The following PRDM4 variants were observed in gnomAD, a reference collection of about 807,000 sequenced individuals.
The protein encoded by PRDM4 is PR domain zinc finger protein 4.
A neutral mutation model predicts 62.3 loss-of-function variants in PRDM4; 38 were observed. That is an observed-to-expected ratio of 0.61 (90% CI 0.47 to 0.80). The LOEUF (loss-of-function observed/expected upper bound fraction) is 0.80, where lower values mean the gene tolerates loss of function less well. Ranked by LOEUF, PRDM4 falls within the 30% of genes least tolerant of loss-of-function variation. The probability of loss-of-function intolerance (pLI) is 0.00; values close to 1 mark genes in which losing one functional copy is unlikely to be tolerated. For synonymous variants in PRDM4, 339 were observed against 348.2 expected (o/e 0.97, Z 0.30); for missense variants, 858 against 997.1 (o/e 0.86, Z 1.88).
intron 2 of PRDM4, among the ~76,000 whole-genome samples, chr12:107,758,799 T>C (rs1256603458): frequency 2.0e-5 from 3 of 152,166 alleles, no homozygotes; most frequent in African/African-American, 7.2e-5. Flanking sequence ...AAGACATCAA[T>C]AAAATGTAAA....
intron 6 of PRDM4, among the ~76,000 whole-genome samples, chr12:107,745,657 TCA>T (rs1469841106): frequency 6.6e-6 from 1 of 152,214 alleles, no homozygotes. Flanking sequence ...TAGAAATAAA[TCA>T]GACTTCTAAA....
rs575342374 is a variant in PRDM4 at position 107,733,430 on chromosome 12, T to A, written c.*780A>T. On this transcript the variant is annotated 3_prime_UTR_variant, in exon 12 of 12. Transcript: ENST00000228437. ...TATCTCCAGGCCCCCTTTGTCTGAATGGCTGGATGTTTACTGGAGACAGGG... is the reference window on the plus strand; with the variant it reads ...TATCTCCAGGCCCCCTTTGTCTGAAAGGCTGGATGTTTACTGGAGACAGGG... The A allele has an allele frequency of 6.6e-6, 1 of 152,242 alleles. No individual in the cohort carries two copies. Among genetic ancestry groups the A allele is most frequent in the Non-Finnish European group, 1.5e-5 (1 of 68,078 alleles). The allele number at this position is 152,242 out of a possible 1,614,324, so 9.4% of individuals were successfully genotyped here.
chr12:107,758,700 C>T (rs945247861), intron 2 of PRDM4, among the ~76,000 whole-genome samples: 11 of 152,150 alleles, frequency 7.2e-5, no homozygotes, highest in Admixed American at 2.0e-4. Flanking sequence ...TATATTGTGG[C>T]GTATATTTAA....
At chr12:107,739,776 T>C (rs1210595473) in intron 10 of PRDM4, 3 of 371,398 alleles carry the variant, frequency 8.1e-6, no homozygotes, top group Non-Finnish European at 1.4e-5. Context: ...TTAGGACCTC[T>C]GACCTAAATA....
At position 107,760,570 on chromosome 12, in the gene PRDM4, T is replaced by A; in HGVS notation, c.-55A>T. The A allele has an allele frequency of 6.2e-7, 1 of 1,607,626 alleles. No homozygotes were observed. Among genetic ancestry groups the A allele is most frequent in the Non-Finnish European group, 8.5e-7 (1 of 1,176,558 alleles). Reference sequence around the variant, plus strand: ...GCGCTCGGGTGGTGGGGAACAGGCATCAGGGTTTGCGTTCCAGGGTCACGT... The same window carrying A: ...GCGCTCGGGTGGTGGGGAACAGGCAACAGGGTTTGCGTTCCAGGGTCACGT... On this transcript the variant is annotated 5_prime_UTR_variant, in exon 2 of 12. The change abolishes an upstream ATG in the 5' untranslated region. Transcript: ENST00000228437.
chr12:107,734,413 A>G lies in PRDM4; in HGVS notation c.2203T>C (p.Cys735Arg), dbSNP rs1890264166. The G allele has an allele frequency of 1.2e-6, 2 of 1,613,956 alleles. No individual in the cohort carries two copies. The highest frequency in any genetic ancestry group is 1.7e-6 in the Non-Finnish European group (2 of 1,180,002). Residue 735 changes from cysteine (C) to arginine (R), a missense_variant, in exon 12 of 12, where the codon TGT becomes CGT. Cys to Arg is a radical substitution (Grantham distance 180). Coordinates refer to ENST00000228437, the MANE Select transcript of PRDM4 (RefSeq NM_012406.4). ...EGKRDYVCEKCTKAYLTKYHL... is the reference protein window; with the variant it reads ...EGKRDYVCEKRTKAYLTKYHL... ...TATTTGGTTAGATAAGCCTTTGTAC[A>G]TTTTTCACAGACATAATCCCGTTTT...
intron 3 of PRDM4, among the ~76,000 whole-genome samples, chr12:107,756,499 T>C (rs1017921317): frequency 6.6e-6 from 1 of 152,194 alleles, no homozygotes; most frequent in Non-Finnish European, 1.5e-5. Flanking sequence ...TTCTCTTCTA[T>C]TAACCCAGGG....
At position 107,734,364 on chromosome 12, in the gene PRDM4, G is replaced by A. The variant is rs1890262376; in HGVS notation, c.2252C>T (p.Thr751Ile). Residue 751 changes from threonine (T) to isoleucine (I), a missense_variant, in exon 12 of 12, where the codon ACC (threonine) becomes ATC (isoleucine). Transcript: ENST00000228437. ...CGAACTGGAGGTGGGCCCTTTGCAG[G>A]TTTTCAGGTGGCGGGTGAGATGGTA... ...TKYHLTRHLK[T>I]CKGPTSSSSA... 1.2e-6 allele frequency: 2 copies of A among 1,614,040 alleles called. No homozygotes were observed. Among genetic ancestry groups the A allele is most frequent in the Admixed American group, 1.7e-5 (1 of 60,000 alleles).
At chr12:107,743,361 A>C in intron 7 of PRDM4, 79 bp from the exon 8 acceptor site, 1 of 986,556 alleles carries the variant, frequency 1.0e-6, no homozygotes, top group Non-Finnish European at 1.6e-6. Flanking sequence ...GCCAGCAATC[A>C]CCTCATTTAC....
chr12:107,752,863 G>T (rs529405016), intron 4 of PRDM4, among the ~76,000 whole-genome samples: 1 of 152,042 alleles, frequency 6.6e-6, no homozygotes, highest in African/African-American at 2.4e-5. Context: ...ACATAAAGAC[G>T]TTCATAAGAG....
intron 5 of PRDM4, among the ~76,000 whole-genome samples, chr12:107,747,049 AGAAG>A (rs1356287088): frequency 6.6e-6 from 1 of 152,156 alleles, no homozygotes; most frequent in African/African-American, 2.4e-5. Flanking sequence ...TGGGAGGCTG[AGAAG>A]GGAGGATCAC....
At chr12:107,740,820 A>T in intron 10 of PRDM4, 126 bp downstream of exon 10, 1 of 994,944 alleles carries the variant, frequency 1.0e-6, no homozygotes, top group Non-Finnish European at 1.5e-6. Flanking sequence ...AATCTCAGTT[A>T]AACCACGAAG....
intron 9 of PRDM4, 103 bp downstream of exon 9, chr12:107,742,118 A>C: frequency 1.6e-6 from 2 of 1,251,284 alleles, no homozygotes; most frequent in Middle Eastern, 2.6e-4. Context: ...AAACAAAGGT[A>C]TATGATTTGC....
At chr12:107,739,263 T>C (rs1424400508) in intron 11 of PRDM4, 120 bp downstream of exon 11, 13 of 1,138,656 alleles carry the variant, frequency 1.1e-5, no homozygotes, top group African/African-American at 3.1e-5. Flanking sequence ...GCATCTACCA[T>C]GGTACCAAGG....
chr12:107,746,981 G>C (rs1030788881), intron 5 of PRDM4, among the ~76,000 whole-genome samples: 19 of 151,792 alleles, frequency 1.3e-4, no homozygotes, highest in African/African-American at 3.6e-4. Flanking sequence ...GTGCATAAGA[G>C]AAACACTAAT....
chr12:107,753,204 T>TC (rs1890954424), intron 4 of PRDM4, among the ~76,000 whole-genome samples: 1 of 151,606 alleles, frequency 6.6e-6, no homozygotes, highest in Non-Finnish European at 1.5e-5. Flanking sequence ...AAACCCCATC[T>TC]CTTTTTTTAA....
In PRDM4 at chr12:107,739,439, A is replaced by G; in HGVS notation, c.2037T>C (p.Cys679=). 2 of 1,613,940 alleles carry G rather than the reference A, an allele frequency of 1.2e-6. No individual in the cohort carries two copies. The highest frequency in any genetic ancestry group is 1.7e-6 in the Non-Finnish European group (2 of 1,179,846). The change falls in exon 11 of 12, where the codon TGT becomes TGC. Residue 679 remains cysteine (C), a synonymous_variant. Coordinates refer to ENST00000228437, the MANE Select transcript of PRDM4 (RefSeq NM_012406.4). The part of the protein sequence containing the change: ...TGEKNLKCDY[C]DKLFMRRQDL... ...CCTGCCTCCGCATAAACAACTTGTCACAGTAATCACACTTAAGATTCTTCT... is the reference window on the plus strand; with the variant it reads ...CCTGCCTCCGCATAAACAACTTGTCGCAGTAATCACACTTAAGATTCTTCT...
intron 2 of PRDM4, among the ~76,000 whole-genome samples, chr12:107,758,709 A>G (rs573970020): frequency 6.6e-6 from 1 of 152,228 alleles, no homozygotes; most frequent in Non-Finnish European, 1.5e-5. Context: ...GCGTATATTT[A>G]AAGTTCCACA....
chr12:107,735,939 C>T (rs7978575), intron 11 of PRDM4, among the ~76,000 whole-genome samples: 95,275 of 151,722 alleles, frequency 0.63, 30,330 homozygotes, highest in East Asian at 0.7. Context: ...CACTGAAGAA[C>T]CCTTAGAATT....
Sources: allele counts gnomAD v4.1 joint callset (sites outside exome capture counted in the v4.1 genomes callset), GRCh38; gene constraint gnomAD v4.1.1; transcripts MANE v1.5; gene names NCBI Gene and HGNC (gene_info 2026-07-23, HGNC 2026-07-21).